Variants in SPAG16 observed in about 807,000 individuals in gnomAD.
SPAG16 encodes sperm-associated antigen 16 protein.
SPAG16 carries 86 observed loss-of-function variants against 80.4 expected under a neutral mutation model. That is an observed-to-expected ratio of 1.07 (90% CI 0.90 to 1.28). The LOEUF (loss-of-function observed/expected upper bound fraction) is 1.28, where lower values mean the gene tolerates loss of function less well. SPAG16 is among the 50% of genes most tolerant of loss of function. The pLI, the probability that SPAG16 is intolerant of heterozygous loss-of-function variation, is 0.00. For synonymous variants in SPAG16, 294 were observed against 265.9 expected (o/e 1.11, Z -1.03); for missense variants, 870 against 765.3 (o/e 1.14, Z -1.61).
chr2:213,934,979 G>A (rs1031853476), intron 12 of SPAG16, among the ~76,000 whole-genome samples: 3 of 151,968 alleles, frequency 2.0e-5, no homozygotes, highest in South Asian at 4.2e-4. Context: ...GAGGCAGGCC[G>A]ATCACGAGGT....
chr2:213,824,003 A>G (rs564581161), intron 10 of SPAG16, among the ~76,000 whole-genome samples: 2 of 152,236 alleles, frequency 1.3e-5, no homozygotes, highest in Admixed American at 1.3e-4. Context: ...TATGTCCTGA[A>G]TGGTATTGCC....
At chr2:214,131,195 G>A (rs759422636) in intron 14 of SPAG16, among the ~76,000 whole-genome samples, 6 of 151,926 alleles carry the variant, frequency 3.9e-5, no homozygotes, top group African/African-American at 1.2e-4. Flanking sequence ...GAAACACAGC[G>A]AGACCCCATC....
chr2:213,298,637 G>A (rs1361309575), intron 3 of SPAG16, among the ~76,000 whole-genome samples: 15 of 152,184 alleles, frequency 9.9e-5, no homozygotes, highest in South Asian at 2.1e-4. Context: ...TATCATGGTC[G>A]AAAGTGTTTG....
At chr2:213,420,225 C>A (rs1233627175) in intron 9 of SPAG16, among the ~76,000 whole-genome samples, 1 of 152,094 alleles carries the variant, frequency 6.6e-6, no homozygotes, top group Non-Finnish European at 1.5e-5. Context: ...GGAGAATAAA[C>A]CCTGGATAAA....
chr2:213,980,710 G>GTA (rs1320481683), intron 12 of SPAG16, among the ~76,000 whole-genome samples: 28 of 117,210 alleles, frequency 2.4e-4, no homozygotes, highest in South Asian at 7.8e-4. Context: ...GTGTGTGTGT[G>GTA]TGTATATATA....
At chr2:214,396,143 T>C (rs577702034) in intron 15 of SPAG16, among the ~76,000 whole-genome samples, 60 of 152,096 alleles carry the variant, frequency 3.9e-4, no homozygotes, top group Non-Finnish European at 7.4e-4. Flanking sequence ...TTGAATTAGG[T>C]TGTTTTCTTA....
At chr2:213,289,796 T>A (rs773308797) in intron 1 of SPAG16, among the ~76,000 whole-genome samples, 11 of 152,252 alleles carry the variant, frequency 7.2e-5, no homozygotes, top group Non-Finnish European at 1.6e-4. Flanking sequence ...GGAAATCATG[T>A]AAAATATAAT....
intron 15 of SPAG16, among the ~76,000 whole-genome samples, chr2:214,373,021 A>T (rs1699916770): frequency 6.6e-6 from 1 of 152,208 alleles, no homozygotes; most frequent in Middle Eastern, 3.2e-3. Context: ...TATTTTAGGT[A>T]GCTCCAAGTC....
At chr2:214,275,300 G>C (rs12993230) in intron 15 of SPAG16, among the ~76,000 whole-genome samples, 1 of 152,082 alleles carries the variant, frequency 6.6e-6, no homozygotes, top group Non-Finnish European at 1.5e-5. Flanking sequence ...ATCTCCTTCA[G>C]ATCTGCTCTG....
intron 12 of SPAG16, among the ~76,000 whole-genome samples, chr2:213,986,907 A>G (rs866794585): frequency 1.3e-5 from 2 of 151,032 alleles, no homozygotes; most frequent in East Asian, 3.9e-4. Context: ...AAAAAAAAAA[A>G]AAAAAAAAAA....
At chr2:214,230,373 A>G (rs898737301) in intron 15 of SPAG16, among the ~76,000 whole-genome samples, 11 of 151,936 alleles carry the variant, frequency 7.2e-5, no homozygotes, top group African/African-American at 2.4e-4. Flanking sequence ...TGACCTCACT[A>G]TCAATCAGGT....
rs1008636883 is a variant in SPAG16, at chr2:213,284,476, C to T, written c.-8C>T. ...GCCTGCTGGGGGTGGGGGCCCGAAGCGCCAGAGATGGCTGCTCAGCGAGGG... is the reference window on the plus strand; with the variant it reads ...GCCTGCTGGGGGTGGGGGCCCGAAGTGCCAGAGATGGCTGCTCAGCGAGGG... On this transcript the variant is annotated 5_prime_UTR_variant, in exon 1 of 16. Coordinates refer to ENST00000331683, the MANE Select transcript of SPAG16 (RefSeq NM_024532.5). 4 of 1,560,632 alleles carry T rather than the reference C, an allele frequency of 2.6e-6. No homozygotes were observed. The highest frequency in any genetic ancestry group is 3.5e-6 in the Non-Finnish European group (4 of 1,153,068).
At chr2:214,174,445 CAGAA>C (rs1407283162) in intron 15 of SPAG16, among the ~76,000 whole-genome samples, 1 of 151,916 alleles carries the variant, frequency 6.6e-6, no homozygotes, top group East Asian at 1.9e-4. Context: ...AACAGACAAA[CAGAA>C]AGCCAAATCA....
At chr2:213,397,777 T>TTCTTGACCC (rs2068116069) in intron 9 of SPAG16, among the ~76,000 whole-genome samples, 1 of 152,186 alleles carries the variant, frequency 6.6e-6, no homozygotes, top group South Asian at 2.1e-4. Context: ...CAAGGCTCAG[T>TTCTTGACCC]TCTTGACCCT....
At chr2:213,400,885 T>C (rs991959102) in intron 9 of SPAG16, among the ~76,000 whole-genome samples, 5 of 152,110 alleles carry the variant, frequency 3.3e-5, no homozygotes, top group African/African-American at 1.2e-4. Flanking sequence ...CGGCTCACAG[T>C]AGCCTCGACC....
chr2:213,823,658 C>A (rs995001969), intron 10 of SPAG16, among the ~76,000 whole-genome samples: 1 of 152,198 alleles, frequency 6.6e-6, no homozygotes, highest in Non-Finnish European at 1.5e-5. Context: ...CCACACCACA[C>A]CCGGCCTGTT....
intron 15 of SPAG16, among the ~76,000 whole-genome samples, chr2:214,242,764 T>C (rs1441025740): frequency 6.6e-6 from 1 of 152,140 alleles, no homozygotes; most frequent in South Asian, 2.1e-4. Flanking sequence ...TTTGAATACA[T>C]AGGTCTCTTA....
chr2:214,045,637 AAATTT>A (rs1207213100), intron 13 of SPAG16, among the ~76,000 whole-genome samples: 2 of 152,202 alleles, frequency 1.3e-5, no homozygotes, highest in Non-Finnish European at 2.9e-5. Context: ...ATTAAGAAGA[AAATTT>A]AAAATTTTCT....
rs568784620 is a variant in SPAG16, at chr2:213,910,783, C to T, written c.1215-19177C>T. Among the ~76,000 whole-genome samples the T allele has an allele frequency of 1.0e-4, 3 of 29,736 alleles. 1 individual carries two copies. The highest frequency in any genetic ancestry group is 1.8e-4 in the African/African-American group (3 of 17,044). 19.5% of individuals were successfully genotyped at this position (29,736 alleles called of 152,430 possible). ...GATTACAGGCGTGAGCCACCACGCC[C>T]GGCCAAGAATTCTTTTACTAGATCT... On this transcript the variant is annotated intron_variant, in intron 11 of 15. Coordinates refer to ENST00000331683, the MANE Select transcript of SPAG16 (RefSeq NM_024532.5).
Sources: gnomAD v4.1 joint callset for allele counts (sites outside exome capture counted in the v4.1 genomes callset) on GRCh38, gnomAD v4.1.1 for gene constraint, MANE v1.5 for transcripts, NCBI Gene and HGNC (gene_info 2026-07-23, HGNC 2026-07-21) for gene names.